MARCHF1: variants seen among roughly 807,000 people sequenced by gnomAD.
MARCHF1 encodes membrane associated ring-CH-type finger 1.
MARCHF1 carries 40 observed loss-of-function variants against 54.2 expected under a neutral mutation model. The ratio of observed to expected loss-of-function variants is 0.74; its 90% CI spans 0.57 to 0.96. MARCHF1 has a LOEUF of 0.96. Among genes scored for constraint, MARCHF1 ranks in the 40% least tolerant of loss-of-function variants. The pLI, the probability that MARCHF1 is intolerant of heterozygous loss-of-function variation, is 0.00. For missense variants in MARCHF1, 586 were observed against 656.5 expected (o/e 0.89, Z 1.17); for synonymous variants, 236 against 236.3 (o/e 1.00, Z 0.01).
chr4:164,224,235 AT>A (rs1264966873), intron 1 of MARCHF1, among the ~76,000 whole-genome samples: 1 of 48,344 alleles, frequency 2.1e-5, no homozygotes, highest in Non-Finnish European at 3.9e-5. Flanking sequence ...CATTTAAAAT[AT>A]TATGAGTTTT....
At chr4:163,733,519 T>C (rs923773029) in intron 4 of MARCHF1, among the ~76,000 whole-genome samples, 17 of 151,264 alleles carry the variant, frequency 1.1e-4, no homozygotes, top group East Asian at 5.9e-4. Flanking sequence ...GTTTGTTACA[T>C]ATGTATACAT....
At chr4:164,101,428 A>G (rs2111158483) in intron 2 of MARCHF1, among the ~76,000 whole-genome samples, 1 of 120,150 alleles carries the variant, frequency 8.3e-6, no homozygotes, top group South Asian at 3.0e-4. Context: ...GAACGGGCAG[A>G]CTGCCTCCTC....
rs1741824078 is a variant in MARCHF1, at chr4:163,625,121, A to T, written c.163-11728T>A. On this transcript the variant is annotated intron_variant, in intron 5 of 9. Coordinates refer to ENST00000514618, the MANE Select transcript of MARCHF1 (RefSeq NM_001394959.1). ...AAACCTAGCTCATTTTATATTCCCA[A>T]ACACACCCATTCTTTTATTTTTATG... 2.6e-5 allele frequency among the ~76,000 whole-genome samples: 4 copies of T among 152,176 alleles called. No individual in the cohort carries two copies. The South Asian group carries it at 8.3e-4, about 32-fold the overall frequency.
At chr4:163,929,971 T>TATAATATATTATATATA (rs1751629801) in intron 3 of MARCHF1, among the ~76,000 whole-genome samples, 1 of 126,138 alleles carries the variant, frequency 7.9e-6, no homozygotes, top group African/African-American at 3.0e-5. Context: ...ATAATATATA[T>TATAATATATTATATATA]AATATATATA....
rs1226494306 is a variant in MARCHF1 at position 163,848,756 on chromosome 4, A to G, written c.111+5265T>C. On this transcript the variant is annotated intron_variant, in intron 4 of 9. Transcript: ENST00000514618. ...TTGTGAGGATATGTGCTTAATAAGC[A>G]TAATCTTCCAAACCCCTCAAGGTTA... 2.6e-5 allele frequency among the ~76,000 whole-genome samples: 4 copies of G among 152,342 alleles called. No individual in the cohort carries two copies. In the East Asian group the frequency reaches 5.8e-4, roughly 22 times the overall value.
intron 1 of MARCHF1, among the ~76,000 whole-genome samples, chr4:164,289,550 G>T (rs1734234906): frequency 6.8e-6 from 1 of 146,378 alleles, no homozygotes; most frequent in South Asian, 2.2e-4. Context: ...GTCACAGCAG[G>T]TAGGAGTGAA....
At chr4:163,967,242 T>C (rs1579428138) in intron 3 of MARCHF1, among the ~76,000 whole-genome samples, 1 of 152,144 alleles carries the variant, frequency 6.6e-6, no homozygotes, top group Non-Finnish European at 1.5e-5. Context: ...TATTGTCAAA[T>C]TATCTTTCAC....
intron 1 of MARCHF1, among the ~76,000 whole-genome samples, chr4:164,302,560 T>C (rs557012240): frequency 6.6e-6 from 1 of 152,288 alleles, no homozygotes; most frequent in Non-Finnish European, 1.5e-5. Flanking sequence ...TAATACTTTT[T>C]AAATGTTTGT....
At chr4:164,287,470 T>A (rs1379981277) in intron 1 of MARCHF1, among the ~76,000 whole-genome samples, 1 of 152,180 alleles carries the variant, frequency 6.6e-6, no homozygotes, top group Non-Finnish European at 1.5e-5. Context: ...ACATCCTGAT[T>A]AGAAAGCTGT....
chr4:164,038,505 AAAAAT>A (rs1456532176), intron 2 of MARCHF1, among the ~76,000 whole-genome samples: 25 of 152,304 alleles, frequency 1.6e-4, no homozygotes, highest in African/African-American at 6.0e-4. Context: ...ATAAATAAAT[AAAAAT>A]AAAATAAAAT....
intron 3 of MARCHF1, 42 bp downstream of exon 3, chr4:163,988,459 T>C (rs888660823): frequency 5.3e-5 from 8 of 152,258 alleles, no homozygotes; most frequent in African/African-American, 1.7e-4. Flanking sequence ...TTGGCAACAG[T>C]GGCTTGGCTC....
chr4:164,087,591 A>T (rs1755216492), intron 2 of MARCHF1, among the ~76,000 whole-genome samples: 3 of 152,168 alleles, frequency 2.0e-5, no homozygotes, highest in Admixed American at 2.0e-4. Flanking sequence ...CATGGAATCA[A>T]TTAAAATTAT....
intron 1 of MARCHF1, among the ~76,000 whole-genome samples, chr4:164,237,501 A>G (rs1732597794): frequency 6.6e-6 from 1 of 152,016 alleles, no homozygotes; most frequent in Non-Finnish European, 1.5e-5. Flanking sequence ...CTGGACCACA[A>G]CCCATAATAA....
At chr4:164,073,804 G>A (rs1234433825) in intron 2 of MARCHF1, among the ~76,000 whole-genome samples, 1 of 151,294 alleles carries the variant, frequency 6.6e-6, no homozygotes, top group African/African-American at 2.4e-5. Context: ...CTGTTATTTT[G>A]TTGGGTTTTG....
intron 6 of MARCHF1, 32 bp from the exon 7 acceptor site, chr4:163,613,070 T>C (rs760257846): frequency 3.5e-6 from 5 of 1,446,730 alleles, no homozygotes; most frequent in Non-Finnish European, 4.5e-6. Flanking sequence ...GGATGGGAAA[T>C]GGGAATGGAG....
chr4:164,127,129 T>A (rs1756201973), intron 1 of MARCHF1, among the ~76,000 whole-genome samples: 1 of 151,510 alleles, frequency 6.6e-6, no homozygotes, highest in South Asian at 2.1e-4. Context: ...TGATCCTTGT[T>A]ATAAAGCAGC....
At chr4:164,136,107 C>A (rs1426559737) in intron 1 of MARCHF1, among the ~76,000 whole-genome samples, 7 of 150,486 alleles carry the variant, frequency 4.7e-5, no homozygotes, top group Non-Finnish European at 8.9e-5. Context: ...AGATCAGCAT[C>A]AGTTTAAATA....
chr4:163,863,657 C>T (rs139079804), intron 3 of MARCHF1, among the ~76,000 whole-genome samples: 3 of 152,028 alleles, frequency 2.0e-5, no homozygotes, highest in Non-Finnish European at 2.9e-5. Flanking sequence ...TGACGGGTCC[C>T]GGAAACAATG....
At chr4:164,075,562 G>A (rs542923440) in intron 2 of MARCHF1, among the ~76,000 whole-genome samples, 26 of 152,284 alleles carry the variant, frequency 1.7e-4, no homozygotes, top group Admixed American at 7.2e-4. Flanking sequence ...TGCAATATAT[G>A]CTTAATGTTG....
Sources: gnomAD v4.1 joint callset for allele counts (sites outside exome capture counted in the v4.1 genomes callset) on GRCh38, gnomAD v4.1.1 for gene constraint, MANE v1.5 for transcripts, NCBI Gene and HGNC (gene_info 2026-07-23, HGNC 2026-07-21) for gene names.